The following CDH20 variants were observed in gnomAD, a reference collection of about 807,000 sequenced individuals.
CDH20 encodes the protein cadherin-20.
Under a neutral mutation model 74.2 loss-of-function variants are expected in CDH20, and 29 were observed. The observed-to-expected ratio is 0.39, with a 90% CI of 0.29 to 0.53. The LOEUF is 0.53. CDH20 is among the 20% of genes least tolerant of loss of function. The pLI, the probability that CDH20 is intolerant of heterozygous loss-of-function variation, is 0.69. For synonymous variants in CDH20, 469 were observed against 405.4 expected (o/e 1.16, Z -1.88); for missense variants, 988 against 1,048.3 (o/e 0.94, Z 0.79).
At chr18:61,343,315 A>G (rs1302879607) in intron 1 of CDH20, among the ~76,000 whole-genome samples, 1 of 152,220 alleles carries the variant, frequency 6.6e-6, no homozygotes, top group Non-Finnish European at 1.5e-5. Flanking sequence ...TACAAATTTA[A>G]TGAAACCTGA....
Position 61,381,598 on chromosome 18 carries a change from T to C in CDH20, c.-153+47771T>C, listed in dbSNP as rs79609460. 9.4e-3 allele frequency among the ~76,000 whole-genome samples: 1,430 copies of C among 152,302 alleles called. 20 individuals are homozygous for C. Among genetic ancestry groups the C allele is most frequent in the African/African-American group, 0.032 (1,349 of 41,570 alleles). On this transcript the variant is annotated intron_variant, in intron 1 of 11. Coordinates refer to ENST00000262717, the MANE Select transcript of CDH20 (RefSeq NM_031891.4). The stretch of plus-strand genomic sequence containing the variant: ...AAGCACATTAGAAATTCACCAATCA[T>C]GTTCTATGGGAAAGTAATTTCAAGA...
At chr18:61,409,920 C>T (rs558414675) in intron 1 of CDH20, among the ~76,000 whole-genome samples, 2 of 152,074 alleles carry the variant, frequency 1.3e-5, no homozygotes, top group African/African-American at 2.4e-5. Flanking sequence ...CTGTGACTTC[C>T]GTTTTCTGAC....
chr18:61,408,943 T>A (rs1912412813), intron 1 of CDH20, among the ~76,000 whole-genome samples: 1 of 152,222 alleles, frequency 6.6e-6, no homozygotes, highest in South Asian at 2.1e-4. Flanking sequence ...CCAGACCTTT[T>A]TAATTCTAGC....
At chr18:61,365,832 G>A (rs1457578943) in intron 1 of CDH20, among the ~76,000 whole-genome samples, 1 of 152,004 alleles carries the variant, frequency 6.6e-6, no homozygotes, top group African/African-American at 2.4e-5. Flanking sequence ...TACAACATTT[G>A]GCCATACCCT....
intron 1 of CDH20, among the ~76,000 whole-genome samples, chr18:61,348,013 C>T (rs1159482725): frequency 6.6e-6 from 1 of 152,128 alleles, no homozygotes; most frequent in African/African-American, 2.4e-5. Flanking sequence ...TAGAACCTTA[C>T]CTTTGCAAAG....
intron 1 of CDH20, among the ~76,000 whole-genome samples, chr18:61,434,616 C>A (rs923124373): frequency 5.9e-5 from 9 of 152,024 alleles, no homozygotes; most frequent in Non-Finnish European, 1.3e-4. Context: ...CTCCCTGCTG[C>A]AAAATTTGTC....
At chr18:61,354,088 A>G (rs565385834) in intron 1 of CDH20, among the ~76,000 whole-genome samples, 14 of 152,028 alleles carry the variant, frequency 9.2e-5, no homozygotes, top group Non-Finnish European at 1.3e-4. Context: ...GAAGGCTTTC[A>G]GTTTCTCCAT....
chr18:61,466,940 C>CCCTT (rs1909981567), intron 1 of CDH20, among the ~76,000 whole-genome samples: 1 of 152,138 alleles, frequency 6.6e-6, no homozygotes. Context: ...CTTGCAGGTT[C>CCCTT]CCTTCCATAC....
At position 61,503,173 on chromosome 18, in the gene CDH20, G is replaced by A. The variant is rs372449688; in HGVS notation, c.829+53G>A. Reference sequence around the variant, plus strand: ...ACCTCGGGCCCAGAGGGACGCACCCGTTGCAGAGGTGCGGGAGAAAGCCCA... The same window carrying A: ...ACCTCGGGCCCAGAGGGACGCACCCATTGCAGAGGTGCGGGAGAAAGCCCA... On this transcript the variant is annotated intron_variant, in intron 5 of 11. Transcript: ENST00000262717. 102 of 1,369,714 alleles carry A rather than the reference G, an allele frequency of 7.4e-5. No homozygotes were observed. In the Middle Eastern group the frequency reaches 1.2e-3, roughly 16 times the overall value. The allele number at this position is 1,369,714 out of a possible 1,614,324, so 84.8% of individuals were successfully genotyped here. A position where few individuals can be genotyped will look rare whatever the true frequency, so the allele number is the denominator to read the frequency against.
intron 1 of CDH20, among the ~76,000 whole-genome samples, chr18:61,414,787 T>C (rs11660023): frequency 6.6e-6 from 1 of 151,800 alleles, no homozygotes; most frequent in East Asian, 1.9e-4. Flanking sequence ...ATTAAAATAA[T>C]TATTAAGAAT....
chr18:61,389,580 GC>G (rs1283729554), intron 1 of CDH20, among the ~76,000 whole-genome samples: 1 of 152,116 alleles, frequency 6.6e-6, no homozygotes, highest in African/African-American at 2.4e-5. Flanking sequence ...ACTGCTTTCA[GC>G]CCCATAAAAT....
chr18:61,495,674 C>T (rs1413035301), intron 2 of CDH20, among the ~76,000 whole-genome samples: 1 of 152,126 alleles, frequency 6.6e-6, no homozygotes, highest in Non-Finnish European at 1.5e-5. Context: ...CAAGGGGCTC[C>T]GCTCCAAACC....
intron 7 of CDH20, among the ~76,000 whole-genome samples, chr18:61,530,061 G>C (rs914546346): frequency 6.6e-6 from 1 of 152,164 alleles, no homozygotes; most frequent in South Asian, 2.1e-4. Context: ...CAAGGCCAGA[G>C]GTAATAAGAC....
At chr18:61,471,393 T>C (rs1409497416) in intron 1 of CDH20, among the ~76,000 whole-genome samples, 1 of 152,212 alleles carries the variant, frequency 6.6e-6, no homozygotes, top group Non-Finnish European at 1.5e-5. Flanking sequence ...CCAGAAATTA[T>C]ATCTCCCAGC....
At chr18:61,515,485 T>C (rs12455031) in intron 6 of CDH20, among the ~76,000 whole-genome samples, 14,625 of 152,114 alleles carry the variant, frequency 0.096, 856 homozygotes, top group East Asian at 0.18. Flanking sequence ...CTGGGAGCTG[T>C]AGACCGGAGC....
At chr18:61,344,557 C>G (rs969613190) in intron 1 of CDH20, among the ~76,000 whole-genome samples, 1 of 152,164 alleles carries the variant, frequency 6.6e-6, no homozygotes, top group African/African-American at 2.4e-5. Flanking sequence ...CCTAAAATAT[C>G]TTCCGAAGAA....
chr18:61,471,053 T>C (rs879868959), intron 1 of CDH20, among the ~76,000 whole-genome samples: 1 of 152,118 alleles, frequency 6.6e-6, no homozygotes, highest in Non-Finnish European at 1.5e-5. Context: ...AAGAAATATA[T>C]TATATTATGA....
At chr18:61,438,261 A>G (rs1156856066) in intron 1 of CDH20, among the ~76,000 whole-genome samples, 1 of 152,140 alleles carries the variant, frequency 6.6e-6, no homozygotes, top group Admixed American at 6.6e-5. Flanking sequence ...TCTAAGGAAC[A>G]TAACAAATTT....
chr18:61,493,641 G>A (rs1033995104), intron 2 of CDH20, among the ~76,000 whole-genome samples: 5 of 152,128 alleles, frequency 3.3e-5, no homozygotes, highest in Admixed American at 6.6e-5. Flanking sequence ...CCTGACTTCC[G>A]CTCATCAGGC....
Sources: gnomAD v4.1 joint callset for allele counts (sites outside exome capture counted in the v4.1 genomes callset) on GRCh38, gnomAD v4.1.1 for gene constraint, MANE v1.5 for transcripts, NCBI Gene and HGNC (gene_info 2026-07-23, HGNC 2026-07-21) for gene names.